Variants in NFASC observed in about 807,000 individuals in gnomAD.
NFASC encodes neurofascin.
A neutral mutation model predicts 147.5 loss-of-function variants in NFASC; 43 were observed. The observed-to-expected ratio is 0.29, with a 90% confidence interval of 0.23 to 0.38. NFASC has a LOEUF of 0.38. NFASC is among the 10% of genes least tolerant of loss of function. NFASC has a pLI of 1.00. For synonymous variants in NFASC, 622 were observed against 665.5 expected (o/e 0.93, Z 1.01); for missense variants, 1,320 against 1,689.0 (o/e 0.78, Z 3.83).
intron 11 of NFASC, among the ~76,000 whole-genome samples, chr1:204,971,563 A>G (rs769966791): frequency 1.3e-5 from 2 of 152,202 alleles, no homozygotes; most frequent in African/African-American, 2.4e-5. Flanking sequence ...AGGAGAGGGT[A>G]AGAATTTACC....
chr1:204,897,638 A>G (rs1194319739), intron 1 of NFASC, among the ~76,000 whole-genome samples: 4 of 150,552 alleles, frequency 2.7e-5, no homozygotes, highest in African/African-American at 9.8e-5. Context: ...CAGTGGCACA[A>G]TCATGGCTCA....
chr1:204,863,441 AAC>A (rs2076833230), intron 1 of NFASC, among the ~76,000 whole-genome samples: 1 of 152,180 alleles, frequency 6.6e-6, no homozygotes, highest in Non-Finnish European at 1.5e-5. Context: ...TATAATAGAA[AAC>A]TTGCTATTTC....
In NFASC at chr1:205,018,927, C is replaced by G. The variant is rs1316484622; in HGVS notation, c.*2388C>G. 6.6e-6 allele frequency: 1 copy of G among 152,308 alleles called. No individual in the cohort carries two copies. The highest frequency in any genetic ancestry group is 1.9e-4 in the East Asian group (1 of 5,190). 9.4% of individuals were successfully genotyped at this position (152,308 alleles called of 1,614,324 possible). A position where few individuals can be genotyped will look rare whatever the true frequency, so the allele number is the denominator to read the frequency against. On this transcript the variant is annotated 3_prime_UTR_variant, in exon 30 of 30. Transcript: ENST00000339876. The stretch of plus-strand genomic sequence containing the variant: ...TCTTGGGGAGAAGTAAGCCCGCAGC[C>G]TGCCTCTGCACCTCGTTCCAGTGTC...
At chr1:204,962,801 G>T (rs992283029) in intron 8 of NFASC, among the ~76,000 whole-genome samples, 2 of 152,150 alleles carry the variant, frequency 1.3e-5, no homozygotes, top group African/African-American at 4.8e-5. Flanking sequence ...GGTAGTATAT[G>T]CAAATCAAAT....
At position 204,979,365 on chromosome 1, in the gene NFASC, A is replaced by G; in HGVS notation, c.1982A>G (p.Tyr661Cys). Residue 661 changes from tyrosine (Y) to cysteine (C), a missense_variant, in exon 19 of 30, where the codon TAC (tyrosine) becomes TGC (cysteine). Coordinates refer to ENST00000339876, the MANE Select transcript of NFASC (RefSeq NM_001005388.3). The surrounding 1 kb of genome is among the most constrained non-coding windows in gnomAD (Gnocchi z 6.0). ...TCTGTTTTCCTTGCCCACTCAGACT[A>G]CGTCGTCCAGTTTGAAGAAGACCAG... ...GDANNSPITD[Y>C]VVQFEEDQFQ... 1 of 1,613,820 alleles carries G rather than the reference A, an allele frequency of 6.2e-7. No individual in the cohort carries two copies. The highest frequency in any genetic ancestry group is 8.5e-7 in the Non-Finnish European group (1 of 1,179,700).
At chr1:204,970,575 T>C in intron 10 of NFASC, 41 bp from the exon 11 acceptor site, 2 of 1,611,896 alleles carry the variant, frequency 1.2e-6, no homozygotes, top group Non-Finnish European at 1.7e-6. Flanking sequence ...GCCTGTCCCA[T>C]GCCATCTAAC....
rs538296389 is a variant in NFASC, at chr1:204,912,659, C to T, written c.-199-7973C>T. ...TCGATGCAGCAGTGAGCTATGTTCACACCACTGCACTCCAGCCTGAATGAC... is the reference window on the plus strand; with the variant it reads ...TCGATGCAGCAGTGAGCTATGTTCATACCACTGCACTCCAGCCTGAATGAC... On this transcript the variant is annotated intron_variant, in intron 1 of 29. Coordinates refer to ENST00000339876, the MANE Select transcript of NFASC (RefSeq NM_001005388.3). Among the ~76,000 whole-genome samples, 15 of 152,174 alleles carry T rather than the reference C, an allele frequency of 9.9e-5. No individual in the cohort carries two copies. In the South Asian group the frequency reaches 3.1e-3, roughly 32 times the overall value.
rs1280037075 is a variant in NFASC, at chr1:204,987,125, C to G, written c.2471-293C>G. On this transcript the variant is annotated intron_variant, in intron 21 of 29. Coordinates refer to ENST00000339876, the MANE Select transcript of NFASC (RefSeq NM_001005388.3). This position sits in a 1 kb window ranked among gnomAD's most constrained non-coding sequence, Gnocchi z 4.4. ...CGAGGTATCTTTGCAGAATCAGAGC[C>G]TAACATGTGCTGAATCCAGAGTAGT... 1 of 444,846 alleles carries G rather than the reference C, an allele frequency of 2.2e-6. No homozygotes were observed. Among genetic ancestry groups the G allele is most frequent in the African/African-American group, 2.0e-5 (1 of 50,592 alleles). The allele number at this position is 444,846 out of a possible 1,614,324, so 27.6% of individuals were successfully genotyped here.
intron 10 of NFASC, 93 bp downstream of exon 10, chr1:204,969,075 T>A: frequency 8.7e-7 from 1 of 1,148,704 alleles, no homozygotes; most frequent in Non-Finnish European, 1.2e-6. Context: ...GCAGAGTGAG[T>A]CGGAGAGACT....
At chr1:204,992,791 GT>G (rs1195685971) in intron 24 of NFASC, among the ~76,000 whole-genome samples, 4 of 152,192 alleles carry the variant, frequency 2.6e-5, no homozygotes, top group African/African-American at 9.7e-5. Context: ...GGTGGGCCTG[GT>G]GGCAGGCAGT....
intron 21 of NFASC, chr1:204,984,219 A>T: frequency 2.2e-6 from 2 of 925,878 alleles, no homozygotes. Flanking sequence ...GCGGGCTATA[A>T]GATATTTGAA....
Position 204,987,371 on chromosome 1 carries a change from C to T in NFASC, c.2471-47C>T. 6.3e-7 allele frequency: 1 copy of T among 1,578,876 alleles called. No homozygotes were observed. Among genetic ancestry groups the T allele is most frequent in the Non-Finnish European group, 8.7e-7 (1 of 1,154,626 alleles). On this transcript the variant is annotated intron_variant, in intron 21 of 29. Transcript: ENST00000339876. This position sits in a 1 kb window ranked among gnomAD's most constrained non-coding sequence, Gnocchi z 4.4. ...TGTTTTTTGTGTTTTCCTCATCCTC[C>T]CTGCCCCCTCCCCCTCATCTCCCCT...
At chr1:204,903,507 T>TC (rs1421929129) in intron 1 of NFASC, among the ~76,000 whole-genome samples, 1 of 152,174 alleles carries the variant, frequency 6.6e-6, no homozygotes, top group African/African-American at 2.4e-5. Flanking sequence ...TTGTGGGGTG[T>TC]CCCCCTCAGC....
intron 2 of NFASC, among the ~76,000 whole-genome samples, chr1:204,929,071 T>G (rs1413957872): frequency 6.6e-6 from 1 of 152,132 alleles, no homozygotes; most frequent in Non-Finnish European, 1.5e-5. Flanking sequence ...ACAGCTGTTT[T>G]TCAGCCAAAT....
chr1:204,939,040 G>A lies in NFASC; in HGVS notation c.-90-5186G>A, dbSNP rs1449019504. 6.1e-3 allele frequency among the ~76,000 whole-genome samples: 709 copies of A among 115,684 alleles called. 10 individuals carry two copies. The highest frequency in any genetic ancestry group is 0.012 in the South Asian group (44 of 3,760). The allele number at this position is 115,684 out of a possible 152,430, so 75.9% of individuals were successfully genotyped here. On this transcript the variant is annotated intron_variant, in intron 2 of 29. Coordinates refer to ENST00000339876, the MANE Select transcript of NFASC (RefSeq NM_001005388.3). ...CTCTTTTCTTCCTGTATGGATGGAT[G>A]TGTGTGTGTGTGTGTGTGTGTGTGT... is the stretch of plus-strand genomic sequence containing the variant.
At chr1:204,999,016 G>T (rs893320073) in intron 25 of NFASC, 1 of 152,222 alleles carries the variant, frequency 6.6e-6, no homozygotes, top group Non-Finnish European at 1.5e-5. Context: ...CTTTAAAAAT[G>T]AATGTTCACC....
chr1:204,834,337 CT>C (rs1673073290), intron 1 of NFASC, among the ~76,000 whole-genome samples: 1 of 152,192 alleles, frequency 6.6e-6, no homozygotes, highest in African/African-American at 2.4e-5. Context: ...GCCTGTGTTT[CT>C]GGGATTTATG....
chr1:204,992,885 T>A (rs1171480535), intron 24 of NFASC, among the ~76,000 whole-genome samples: 5 of 151,534 alleles, frequency 3.3e-5, no homozygotes, highest in African/African-American at 1.2e-4. Flanking sequence ...ATCACCCCAC[T>A]TCCTACTTCC....
intron 1 of NFASC, among the ~76,000 whole-genome samples, chr1:204,880,972 T>A (rs1260403776): frequency 6.6e-6 from 1 of 152,208 alleles, no homozygotes; most frequent in Non-Finnish European, 1.5e-5. Flanking sequence ...AATGCCTGTC[T>A]CTTTTCAGAA....
Sources: allele counts gnomAD v4.1 joint callset (sites outside exome capture counted in the v4.1 genomes callset), GRCh38; gene constraint gnomAD v4.1.1; non-coding constraint Gnocchi (gnomAD v3.1); transcripts MANE v1.5; gene names NCBI Gene and HGNC (gene_info 2026-07-23, HGNC 2026-07-21).